Variants in IGSF21 observed in about 807,000 individuals in gnomAD.
IGSF21 encodes immunoglobin superfamily member 21, also known as immunoglobulin superfamily member 21.
A neutral mutation model predicts 46.8 loss-of-function variants in IGSF21; 28 were observed. That is an observed-to-expected ratio of 0.60 (90% CI 0.44 to 0.82). IGSF21 has a LOEUF of 0.82. Among genes scored for constraint, IGSF21 ranks in the 40% least tolerant of loss-of-function variants. The pLI, the probability that IGSF21 is intolerant of heterozygous loss-of-function variation, is 0.00. For synonymous variants in IGSF21, 284 were observed against 273.6 expected, an observed-to-expected ratio of 1.04 and a Z score of -0.38; for missense variants, 624 against 665.5, an observed-to-expected ratio of 0.94 and a Z score of 0.69.
chr1:18,125,873 C>T (rs2086270797), intron 1 of IGSF21, among the ~76,000 whole-genome samples: 1 of 152,200 alleles, frequency 6.6e-6, no homozygotes, highest in Non-Finnish European at 1.5e-5. Flanking sequence ...ATCTATGTTC[C>T]AGACCCTGCG....
At chr1:18,125,170 A>G (rs993107304) in intron 1 of IGSF21, among the ~76,000 whole-genome samples, 1 of 152,180 alleles carries the variant, frequency 6.6e-6, no homozygotes, top group Non-Finnish European at 1.5e-5. Context: ...CAGCACTCCC[A>G]GCTGCCCCAG....
Position 18,318,489 on chromosome 1 carries a change from T to TGTGC in IGSF21, c.306-16402_306-16401insTGCG, listed in dbSNP as rs1553163233. 2.5e-4 allele frequency among the ~76,000 whole-genome samples: 37 copies of TGTGC among 148,800 alleles called. 1 individual carries two copies. Among genetic ancestry groups the TGTGC allele is most frequent in the Admixed American group, 2.1e-3 (31 of 14,960 alleles). ...GCGTGTGTGTGTGTGTGTGTGTGTGTGCGTGCGTTTGGCAAAATGGGACTG... is the reference window on the plus strand; with the variant it reads ...GCGTGTGTGTGTGTGTGTGTGTGTGTGTGCGCGTGCGTTTGGCAAAATGGGACTG... On this transcript the variant is annotated intron_variant, in intron 3 of 9. Transcript: ENST00000251296.
At chr1:18,360,366 A>G (rs1313187567) in intron 4 of IGSF21, among the ~76,000 whole-genome samples, 1 of 152,156 alleles carries the variant, frequency 6.6e-6, no homozygotes, top group Non-Finnish European at 1.5e-5. Flanking sequence ...GGCTCCCTGA[A>G]TGAATGAATG....
At chr1:18,161,554 C>T (rs61495805) in intron 1 of IGSF21, among the ~76,000 whole-genome samples, 38,579 of 152,034 alleles carry the variant, frequency 0.25, 5,071 homozygotes, top group Non-Finnish European at 0.28. Flanking sequence ...ACATTGCAAG[C>T]GCCCATTCCA....
chr1:18,350,459 C>T (rs2085940591), intron 4 of IGSF21, among the ~76,000 whole-genome samples: 1 of 152,194 alleles, frequency 6.6e-6, no homozygotes, highest in Non-Finnish European at 1.5e-5. Flanking sequence ...GGAATGAGGC[C>T]TTGATCTGCC....
intron 1 of IGSF21, among the ~76,000 whole-genome samples, chr1:18,139,350 G>GTCA (rs144394517): frequency 6.6e-6 from 1 of 151,998 alleles, no homozygotes; most frequent in African/African-American, 2.4e-5. Flanking sequence ...GGTTCCGGGA[G>GTCA]CTGTCTACGT....
intron 1 of IGSF21, among the ~76,000 whole-genome samples, chr1:18,216,185 C>T (rs2084443782): frequency 6.6e-6 from 1 of 151,702 alleles, no homozygotes; most frequent in Non-Finnish European, 1.5e-5. Context: ...GCAAATTACC[C>T]TAGGTGAACT....
intron 3 of IGSF21, among the ~76,000 whole-genome samples, chr1:18,330,880 T>C (rs2085706066): frequency 6.6e-6 from 1 of 152,192 alleles, no homozygotes; most frequent in Non-Finnish European, 1.5e-5. Context: ...CTGCCACCAT[T>C]GACTTCCTAC....
intron 2 of IGSF21, among the ~76,000 whole-genome samples, chr1:18,291,341 C>T (rs527486013): frequency 6.6e-6 from 1 of 152,368 alleles, no homozygotes; most frequent in South Asian, 2.1e-4. Flanking sequence ...TCGCCCGTGC[C>T]GGGATGTTGG....
At chr1:18,250,061 T>TC (rs1392974711) in intron 2 of IGSF21, among the ~76,000 whole-genome samples, 23 of 43,730 alleles carry the variant, frequency 5.3e-4, no homozygotes, top group South Asian at 1.1e-3. Flanking sequence ...CTCCCCTCCC[T>TC]CCTCCCTCCC....
chr1:18,209,750 G>A (rs372856265), intron 1 of IGSF21, among the ~76,000 whole-genome samples: 1 of 151,694 alleles, frequency 6.6e-6, no homozygotes, highest in Admixed American at 6.6e-5. Context: ...GTGAGCCACC[G>A]CACCCGGCCA....
At chr1:18,367,603 C>CTCT (rs1553167093) in intron 6 of IGSF21, among the ~76,000 whole-genome samples, 7 of 73,954 alleles carry the variant, frequency 9.5e-5, no homozygotes, top group Non-Finnish European at 1.3e-4. Context: ...CTCTCTCTCT[C>CTCT]TTTTTTTTTT....
At chr1:18,156,842 C>G (rs1022791783) in intron 1 of IGSF21, among the ~76,000 whole-genome samples, 6 of 152,144 alleles carry the variant, frequency 3.9e-5, no homozygotes, top group African/African-American at 1.4e-4. Flanking sequence ...CCGGACTCAG[C>G]AGTTCCCGTC....
intron 3 of IGSF21, among the ~76,000 whole-genome samples, chr1:18,331,918 T>TG (rs2085717321): frequency 6.6e-6 from 1 of 152,138 alleles, no homozygotes; most frequent in Admixed American, 6.5e-5. Flanking sequence ...GGGCTAATGG[T>TG]GGAGGACAGG....
intron 3 of IGSF21, among the ~76,000 whole-genome samples, chr1:18,311,430 C>T (rs1049293801): frequency 6.6e-5 from 10 of 152,334 alleles, no homozygotes; most frequent in Middle Eastern, 6.8e-3. Context: ...TCATTCTGGA[C>T]AGACTCCACT....
intron 6 of IGSF21, among the ~76,000 whole-genome samples, chr1:18,371,835 T>A (rs1320107393): frequency 6.6e-6 from 1 of 152,196 alleles, no homozygotes; most frequent in African/African-American, 2.4e-5. Context: ...TTTTCTTACA[T>A]AACTCATTTC....
intron 6 of IGSF21, among the ~76,000 whole-genome samples, chr1:18,367,786 A>C (rs943816570): frequency 3.4e-5 from 5 of 148,464 alleles, no homozygotes; most frequent in African/African-American, 1.2e-4. Context: ...TTTTTTTTTA[A>C]TAGAGGTGGG....
intron 1 of IGSF21, among the ~76,000 whole-genome samples, chr1:18,154,276 G>C (rs2086547872): frequency 6.6e-6 from 1 of 152,056 alleles, no homozygotes; most frequent in Non-Finnish European, 1.5e-5. Context: ...GATTTGATTT[G>C]AGTGCTTTTC....
chr1:18,181,995 A>G (rs1180334265), intron 1 of IGSF21, among the ~76,000 whole-genome samples: 1 of 152,120 alleles, frequency 6.6e-6, no homozygotes, highest in Non-Finnish European at 1.5e-5. Context: ...CCAGAGCTGT[A>G]CTCAGATTCA....
Sources: gnomAD v4.1 joint callset for allele counts (sites outside exome capture counted in the v4.1 genomes callset) on GRCh38, gnomAD v4.1.1 for gene constraint, MANE v1.5 for transcripts, NCBI Gene and HGNC (gene_info 2026-07-23, HGNC 2026-07-21) for gene names.